The following ALK variants were observed in gnomAD, a reference collection of about 807,000 sequenced individuals.
ALK encodes ALK receptor tyrosine kinase, also known as ALK tyrosine kinase receptor.
A neutral mutation model predicts 163.1 loss-of-function variants in ALK; 74 were observed. That is an observed-to-expected ratio of 0.45 (90% CI 0.38 to 0.55). ALK has a LOEUF of 0.55. Ranked by LOEUF, ALK falls within the 20% of genes least tolerant of loss-of-function variation. The pLI, the probability that ALK is intolerant of heterozygous loss-of-function variation, is 0.00. For missense variants in ALK, 2,063 were observed against 2,105.3 expected, an observed-to-expected ratio of 0.98 and a Z score of 0.39; for synonymous variants, 960 against 843.2, an observed-to-expected ratio of 1.14 and a Z score of -2.40.
intron 3 of ALK, among the ~76,000 whole-genome samples, chr2:29,684,211 A>G (rs1329274003): frequency 1.3e-5 from 2 of 152,210 alleles, no homozygotes; most frequent in African/African-American, 2.4e-5. Context: ...ATATATAGAA[A>G]TCAGTGAGGC....
chr2:29,402,318 C>T (rs1573321858), intron 4 of ALK, among the ~76,000 whole-genome samples: 1 of 152,222 alleles, frequency 6.6e-6, no homozygotes, highest in Non-Finnish European at 1.5e-5. Context: ...TCCCCACAGG[C>T]CTGTGCCTAC....
chr2:29,692,675 C>T (rs1678436856), intron 3 of ALK, among the ~76,000 whole-genome samples: 2 of 152,234 alleles, frequency 1.3e-5, no homozygotes, highest in Admixed American at 6.5e-5. Context: ...TTGCTACTCA[C>T]CTCCAGCTAT....
chr2:29,631,222 C>T (rs942123239), intron 3 of ALK, among the ~76,000 whole-genome samples: 4 of 152,174 alleles, frequency 2.6e-5, no homozygotes, highest in African/African-American at 7.2e-5. Context: ...ATTGAACAAG[C>T]GATGATTTGG....
At chr2:29,504,812 G>A (rs1010329231) in intron 4 of ALK, among the ~76,000 whole-genome samples, 182 of 152,314 alleles carry the variant, frequency 1.2e-3, no homozygotes, top group African/African-American at 4.3e-3. Context: ...ATTTTATTAG[G>A]TTGGTCCAAA....
intron 1 of ALK, among the ~76,000 whole-genome samples, chr2:29,803,516 T>C (rs1420054455): frequency 6.6e-6 from 1 of 152,234 alleles, no homozygotes; most frequent in Non-Finnish European, 1.5e-5. Flanking sequence ...GGTTTAGCCA[T>C]ATCCGCCTCT....
chr2:29,227,425 T>C lies in ALK; in HGVS notation c.2914+149A>G, dbSNP rs1664037873. 2.6e-6 allele frequency: 2 copies of C among 773,508 alleles called. No homozygotes were observed. The highest frequency in any genetic ancestry group is 4.6e-6 in the Non-Finnish European group (2 of 439,302). The allele number at this position is 773,508 out of a possible 1,614,324, so 47.9% of individuals were successfully genotyped here. ...AGCACACATCCTGACTTCTGGAAAA[T>C]GTGGTGACCTGCGCCATAGGAAGCT... On this transcript the variant is annotated intron_variant, in intron 17 of 28. Coordinates refer to ENST00000389048, the MANE Select transcript of ALK (RefSeq NM_004304.5). This position sits in a 1 kb window ranked among gnomAD's most constrained non-coding sequence, Gnocchi z 4.4.
At chr2:29,473,038 T>C (rs571167126) in intron 4 of ALK, among the ~76,000 whole-genome samples, 1 of 152,348 alleles carries the variant, frequency 6.6e-6, no homozygotes, top group South Asian at 2.1e-4. Context: ...CACGTAGAAA[T>C]GCAAAAGGCA....
intron 5 of ALK, among the ~76,000 whole-genome samples, chr2:29,357,379 C>T (rs113864866): frequency 5.5e-4 from 83 of 152,272 alleles, no homozygotes; most frequent in Admixed American, 2.4e-3. Flanking sequence ...TGGCAGGGCT[C>T]AGCTCACGCT....
At chr2:29,858,115 G>T (rs76120808) in intron 1 of ALK, among the ~76,000 whole-genome samples, 2 of 151,894 alleles carry the variant, frequency 1.3e-5, no homozygotes, top group African/African-American at 4.8e-5. Context: ...TTTATCACAC[G>T]CATTAGTTTC....
At chr2:29,214,922 C>A (rs1669560593) in intron 23 of ALK, among the ~76,000 whole-genome samples, 1 of 152,218 alleles carries the variant, frequency 6.6e-6, no homozygotes, top group South Asian at 2.1e-4. Flanking sequence ...CCCACAGCAC[C>A]CAGCACAATG....
At position 29,880,244 on chromosome 2, in the gene ALK, T is replaced by A. The variant is rs79153368; in HGVS notation, c.667+39749A>T. Among the ~76,000 whole-genome samples, 942 of 152,334 alleles carry A rather than the reference T, an allele frequency of 6.2e-3. 9 individuals carry two copies. The highest frequency in any genetic ancestry group is 0.022 in the African/African-American group (898 of 41,566). The stretch of plus-strand genomic sequence containing the variant: ...TCCTGCTCCATACCTTTGTTGCCTA[T>A]CAGCTTCTATCTTGATTGGGTCCTG... On this transcript the variant is annotated intron_variant, in intron 1 of 28. Transcript: ENST00000389048.
At chr2:29,327,131 T>C (rs1667288154) in intron 6 of ALK, among the ~76,000 whole-genome samples, 1 of 152,214 alleles carries the variant, frequency 6.6e-6, no homozygotes, top group African/African-American at 2.4e-5. Flanking sequence ...TGATTACTTC[T>C]GGAGAGGCAG....
chr2:29,530,260 TAA>T (rs1673087569), intron 4 of ALK, among the ~76,000 whole-genome samples: 1 of 151,992 alleles, frequency 6.6e-6, no homozygotes, highest in Non-Finnish European at 1.5e-5. Context: ...CATAGAAAGG[TAA>T]AGAGGGAAAA....
chr2:29,482,112 C>T (rs1481158895), intron 4 of ALK, among the ~76,000 whole-genome samples: 1 of 152,136 alleles, frequency 6.6e-6, no homozygotes, highest in Non-Finnish European at 1.5e-5. Flanking sequence ...CTGCCTCTTC[C>T]CTCAAGAAAG....
intron 3 of ALK, among the ~76,000 whole-genome samples, chr2:29,568,864 T>C (rs536735825): frequency 2.0e-5 from 3 of 152,030 alleles, no homozygotes; most frequent in Non-Finnish European, 2.9e-5. Flanking sequence ...GGTGTCGCCA[T>C]GGGCAATGAC....
At chr2:29,576,690 A>T (rs993086968) in intron 3 of ALK, among the ~76,000 whole-genome samples, 1 of 152,178 alleles carries the variant, frequency 6.6e-6, no homozygotes, top group South Asian at 2.1e-4. Flanking sequence ...CTGTATTTAC[A>T]GCCAGTCCCC....
intron 6 of ALK, among the ~76,000 whole-genome samples, chr2:29,326,618 G>C (rs959399498): frequency 1.2e-4 from 19 of 152,306 alleles, no homozygotes; most frequent in African/African-American, 4.1e-4. Context: ...ACAGAACAGG[G>C]TAAGCAAAGC....
chr2:29,232,698 C>A (rs749683214), intron 14 of ALK, among the ~76,000 whole-genome samples: 5 of 152,196 alleles, frequency 3.3e-5, no homozygotes, highest in Non-Finnish European at 7.3e-5. Context: ...AATATAGATA[C>A]CAGGAGGTGG....
intron 5 of ALK, among the ~76,000 whole-genome samples, chr2:29,373,880 A>G (rs1668691581): frequency 6.6e-6 from 1 of 152,200 alleles, no homozygotes; most frequent in African/African-American, 2.4e-5. Flanking sequence ...TGTGTGGCAC[A>G]AAGGACTCTG....
Sources: allele counts gnomAD v4.1 joint callset (sites outside exome capture counted in the v4.1 genomes callset), GRCh38; gene constraint gnomAD v4.1.1; non-coding constraint Gnocchi (gnomAD v3.1); transcripts MANE v1.5; gene names NCBI Gene and HGNC (gene_info 2026-07-23, HGNC 2026-07-21).